Variants in BNIP1 observed in about 807,000 individuals in gnomAD.
BNIP1 encodes vesicle transport protein SEC20.
A neutral mutation model predicts 28.5 loss-of-function variants in BNIP1; 25 were observed. The observed-to-expected ratio is 0.88, with a 90% CI of 0.64 to 1.23. The LOEUF (loss-of-function observed/expected upper bound fraction) is 1.23. Ranked by LOEUF, BNIP1 falls within the 50% of genes most tolerant of loss-of-function variation. BNIP1 has a pLI of 0.00. For missense variants in BNIP1, 276 were observed against 277.0 expected (o/e 1.00, Z 0.02); for synonymous variants, 118 against 101.7 (o/e 1.16, Z -0.96).
At chr5:173,156,070 G>A (rs1057167998) in intron 3 of BNIP1, among the ~76,000 whole-genome samples, 2 of 152,160 alleles carry the variant, frequency 1.3e-5, no homozygotes, top group Non-Finnish European at 2.9e-5. Flanking sequence ...GACACCGACT[G>A]GCAAAAACAC....
intron 1 of BNIP1, 109 bp downstream of exon 1, chr5:173,144,738 C>A: frequency 1.7e-6 from 2 of 1,151,594 alleles, no homozygotes; most frequent in South Asian, 1.4e-5. Context: ...GTTTCCCAGA[C>A]CACAGGCTCC....
At position 173,164,183 on chromosome 5, in the gene BNIP1, G is replaced by T. The variant is rs979183785; in HGVS notation, c.*262G>T. ...CCTTCCACCATTGTGCACTATGGGAGGCCGCTGCTGCGTGGAGCACTTAAA... is the reference window on the plus strand; with the variant it reads ...CCTTCCACCATTGTGCACTATGGGATGCCGCTGCTGCGTGGAGCACTTAAA... On this transcript the variant is annotated 3_prime_UTR_variant, in exon 6 of 6. Coordinates refer to ENST00000351486, the MANE Select transcript of BNIP1 (RefSeq NM_001205.3). The surrounding 1 kb of genome is among the most constrained non-coding windows in gnomAD (Gnocchi z 4.0). 6.2e-6 allele frequency: 2 copies of T among 324,036 alleles called. No homozygotes were observed. Among genetic ancestry groups the T allele is most frequent in the African/African-American group, 4.3e-5 (2 of 47,058 alleles). 20.1% of individuals were successfully genotyped at this position (324,036 alleles called of 1,614,324 possible). A position where few individuals can be genotyped will look rare whatever the true frequency, so the allele number is the denominator to read the frequency against.
intron 3 of BNIP1, among the ~76,000 whole-genome samples, chr5:173,157,667 G>C (rs772075198): frequency 6.6e-6 from 1 of 151,996 alleles, no homozygotes; most frequent in Admixed American, 6.6e-5. Flanking sequence ...CACCCGCCTC[G>C]GCCTCTCAAA....
chr5:173,146,975 C>T lies in BNIP1; in HGVS notation c.177+17C>T. The T allele has an allele frequency of 6.3e-7, 1 of 1,593,450 alleles. No individual in the cohort carries two copies. Among genetic ancestry groups the T allele is most frequent in the East Asian group, 2.2e-5 (1 of 44,768 alleles). On this transcript the variant is annotated intron_variant, in intron 2 of 5. Coordinates refer to ENST00000351486, the MANE Select transcript of BNIP1 (RefSeq NM_001205.3). ...AGAATACAGGTGGGTATTCTCAATTCAGTCAATGAAGGGGGCTCTGTCCTG... is the reference window on the plus strand; with the variant it reads ...AGAATACAGGTGGGTATTCTCAATTTAGTCAATGAAGGGGGCTCTGTCCTG...
chr5:173,145,262 T>C (rs949880706), intron 1 of BNIP1, among the ~76,000 whole-genome samples: 3 of 152,112 alleles, frequency 2.0e-5, no homozygotes, highest in Non-Finnish European at 4.4e-5. Context: ...TTTGAACAGA[T>C]AGGAAATGAA....
At chr5:173,144,851 C>T (rs1236668833) in intron 1 of BNIP1, 5 of 539,452 alleles carry the variant, frequency 9.3e-6, no homozygotes, top group Non-Finnish European at 1.7e-5. Flanking sequence ...ATCCCCAGAG[C>T]ACCCCACTGT....
intron 2 of BNIP1, among the ~76,000 whole-genome samples, chr5:173,152,452 C>G (rs2113846191): frequency 6.6e-6 from 1 of 152,182 alleles, no homozygotes; most frequent in Non-Finnish European, 1.5e-5. Context: ...CGGGTTCACG[C>G]CATTCTCCTG....
Position 173,164,209 on chromosome 5 carries a change from G to T in BNIP1, c.*288G>T. The T allele has an allele frequency of 3.7e-6, 1 of 272,648 alleles. No homozygotes were observed. The highest frequency in any genetic ancestry group is 5.3e-5 in the Admixed American group (1 of 18,858). The allele number at this position is 272,648 out of a possible 1,614,324, so 16.9% of individuals were successfully genotyped here. On this transcript the variant is annotated 3_prime_UTR_variant, in exon 6 of 6. Coordinates refer to ENST00000351486, the MANE Select transcript of BNIP1 (RefSeq NM_001205.3). This position sits in a 1 kb window ranked among gnomAD's most constrained non-coding sequence, Gnocchi z 4.0. ...GCCGCTGCTGCGTGGAGCACTTAAA[G>T]TCCAGCCTCCAGGACCGGATGCCCC...
At chr5:173,158,596 G>A in intron 3 of BNIP1, 148 bp from the exon 4 acceptor site, 1 of 612,902 alleles carries the variant, frequency 1.6e-6, no homozygotes, top group Non-Finnish European at 2.9e-6. Flanking sequence ...GAACCAGGAG[G>A]CGGAAGTGGC....
At position 173,163,748 on chromosome 5, in the gene BNIP1, G is replaced by C; in HGVS notation, c.514G>C (p.Asp172His). 1.9e-6 allele frequency: 3 copies of C among 1,608,962 alleles called. No homozygotes were observed. Among genetic ancestry groups the C allele is most frequent in the Non-Finnish European group, 1.7e-6 (2 of 1,177,432 alleles). ...AGTCACTTCTTCACGAACGATCCTG[G>C]ATGCAAATGAAGAATTTAAGTCCAT... Reference protein sequence around the residue: ...SLVTSSRTILDANEEFKSMSG... With the variant: ...SLVTSSRTILHANEEFKSMSG... Residue 172 changes from aspartate to histidine, a missense_variant, in exon 6 of 6, where the codon GAT becomes CAT. Coordinates refer to ENST00000351486, the MANE Select transcript of BNIP1 (RefSeq NM_001205.3).
intron 5 of BNIP1, chr5:173,161,312 G>A (rs1480642423): frequency 6.5e-6 from 1 of 154,622 alleles, no homozygotes; most frequent in Non-Finnish European, 1.4e-5. Flanking sequence ...GCAAGCAGGT[G>A]ACCCCAAGGT....
intron 1 of BNIP1, among the ~76,000 whole-genome samples, chr5:173,145,331 G>T (rs757442117): frequency 1.4e-4 from 21 of 152,244 alleles, no homozygotes; most frequent in Admixed American, 6.5e-4. Context: ...ACTTAGGCAA[G>T]AATTGGGAGT....
chr5:173,160,959 AGAC>A (rs1305126057), intron 5 of BNIP1: 1 of 414,468 alleles, frequency 2.4e-6, no homozygotes, highest in Admixed American at 3.1e-5. Flanking sequence ...CTTCAGTATA[AGAC>A]AACAGAAAAA....
chr5:173,154,090 C>T (rs1360176637), intron 2 of BNIP1, among the ~76,000 whole-genome samples: 21 of 152,126 alleles, frequency 1.4e-4, no homozygotes, highest in Admixed American at 1.2e-3. Flanking sequence ...CTGACTATTC[C>T]AGCTCTTGTT....
In BNIP1 at chr5:173,144,553, C is replaced by T. The variant is rs559012935; in HGVS notation, c.8C>T (p.Ala3Val). The stretch of plus-strand genomic sequence containing the variant: ...GTAGCCGGCGTCCCCAACATGGCGG[C>T]TCCCCAAGACGTCCACGTCCGGATC... Reference protein sequence around the residue: MAAPQDVHVRICN... With the variant: MAVPQDVHVRICN... The change falls in exon 1 of 6, where the codon GCT becomes GTT. Residue 3 changes from alanine to valine, a missense_variant. Physicochemically the swap from Ala to Val is moderately conservative, Grantham distance 64. Coordinates refer to ENST00000351486, the MANE Select transcript of BNIP1 (RefSeq NM_001205.3). 18 of 1,614,094 alleles carry T rather than the reference C, an allele frequency of 1.1e-5. 1 individual carries two copies. The South Asian group carries it at 1.6e-4, about 15-fold the overall frequency.
chr5:173,154,246 G>T lies in BNIP1; in HGVS notation c.178-76G>T. The T allele has an allele frequency of 3.6e-6, 5 of 1,384,478 alleles. No homozygotes were observed. In the Admixed American group the frequency reaches 9.3e-5, roughly 26 times the overall value. 85.8% of individuals were successfully genotyped at this position (1,384,478 alleles called of 1,614,324 possible). On this transcript the variant is annotated intron_variant, in intron 2 of 5. Transcript: ENST00000351486. ...CTTCAAGTGCTATTGTATGCCCTTG[G>T]CAGAAATAGAAATGCTCTTCTGCTT... is the stretch of plus-strand genomic sequence containing the variant.
chr5:173,160,361 A>G (rs1760328732), intron 5 of BNIP1, among the ~76,000 whole-genome samples: 1 of 151,856 alleles, frequency 6.6e-6, no homozygotes, highest in Admixed American at 6.6e-5. Context: ...TAGCCTCCCA[A>G]GTAGCTGGGA....
intron 5 of BNIP1, chr5:173,161,334 T>A (rs1209515409): frequency 6.5e-6 from 1 of 153,276 alleles, no homozygotes; most frequent in Non-Finnish European, 1.5e-5. Flanking sequence ...ACTCCTTGAG[T>A]TTGCAGCTTA....
intron 3 of BNIP1, 75 bp downstream of exon 3, chr5:173,154,488 C>T (rs1248458661): frequency 1.7e-6 from 2 of 1,171,776 alleles, no homozygotes; most frequent in African/African-American, 1.6e-5. Context: ...CGTGTGTTTG[C>T]CTGATGGATC....
Sources: gnomAD v4.1 joint callset for allele counts (sites outside exome capture counted in the v4.1 genomes callset) on GRCh38, gnomAD v4.1.1 for gene constraint, Gnocchi (gnomAD v3.1) non-coding constraint, MANE v1.5 for transcripts, NCBI Gene and HGNC (gene_info 2026-07-23, HGNC 2026-07-21) for gene names.